The following HIP1R variants were observed in gnomAD, a reference collection of about 807,000 sequenced individuals.
HIP1R encodes the protein huntingtin-interacting protein 1-related protein.
Under a neutral mutation model 144.2 loss-of-function variants are expected in HIP1R, and 135 were observed. The ratio of observed to expected loss-of-function variants is 0.94; its 90% confidence interval spans 0.81 to 1.08. HIP1R has a LOEUF of 1.08. HIP1R is among the 50% of genes least tolerant of loss of function. The probability of loss-of-function intolerance (pLI) is 0.00; values close to 1 mark genes in which losing one functional copy is unlikely to be tolerated. For missense variants in HIP1R, 1,462 were observed against 1,432.8 expected (o/e 1.02, Z -0.33); for synonymous variants, 698 against 612.8 (o/e 1.14, Z -2.05).
rs1391541980 is a variant in HIP1R at position 122,848,069 on chromosome 12, C to T, written c.132C>T (p.Ala44=). The T allele has an allele frequency of 1.2e-6, 2 of 1,613,512 alleles. No individual in the cohort carries two copies. Among genetic ancestry groups the T allele is most frequent in the Non-Finnish European group, 1.7e-6 (2 of 1,179,984 alleles). The change falls in exon 2 of 32, where the codon GCC becomes GCT. Residue 44 remains alanine, a synonymous_variant. Coordinates refer to ENST00000253083, the MANE Select transcript of HIP1R (RefSeq NM_003959.3). The part of the protein sequence containing the change: ...SISKAINTQE[A]PVKEKHARRI... ...GCAAAGCCATCAACACCCAGGAGGC[C>T]CCCGTGAAGGAGAAGCACGCCCGGC...
Position 122,860,496 on chromosome 12 carries a change from CTGTGGGCTGGGG to C in HIP1R, c.2634_2645del (p.Val879_Gly882del). ...GAAGGCCTCATCTCGGCCTCCAAGG[CTGTGGGCTGGGG>C]AGCCACACAGCTGGTGTAGGTTGCC... On this transcript the variant is annotated inframe_deletion, in exon 27 of 32. Transcript: ENST00000253083. 6.2e-7 allele frequency: 1 copy of C among 1,612,368 alleles called. No individual in the cohort carries two copies. The highest frequency in any genetic ancestry group is 8.5e-7 in the Non-Finnish European group (1 of 1,179,434).
intron 1 of HIP1R, among the ~76,000 whole-genome samples, chr12:122,839,602 A>T (rs2033000359): frequency 6.6e-6 from 1 of 152,240 alleles, no homozygotes; most frequent in South Asian, 2.1e-4. Context: ...CCCGGCACAC[A>T]GTAGAGCAGT....
At chr12:122,834,903 C>T, upstream of HIP1R, 1 of 1,255,266 alleles carries the variant, frequency 8.0e-7, no homozygotes, top group Non-Finnish European at 1.0e-6. Context: ...TACATTAAGA[C>T]CAAAAAGGAA....
At chr12:122,856,410 A>G in intron 15 of HIP1R, 22 bp from the exon 16 acceptor site, 2 of 1,603,600 alleles carry the variant, frequency 1.2e-6, no homozygotes, top group Non-Finnish European at 8.5e-7. Flanking sequence ...GCAGAGCATG[A>G]GCCCTTCCCC....
Position 122,847,895 on chromosome 12 carries a change from T to A in HIP1R, c.94-136T>A, listed in dbSNP as rs892896213. On this transcript the variant is annotated intron_variant, in intron 1 of 31. Coordinates refer to ENST00000253083, the MANE Select transcript of HIP1R (RefSeq NM_003959.3). ...CCTTCAGAAGCTTAGGTTGAGGGGATTCCTGTCTCCCCCATCGCTCCACTG... is the reference window on the plus strand; with the variant it reads ...CCTTCAGAAGCTTAGGTTGAGGGGAATCCTGTCTCCCCCATCGCTCCACTG... The A allele has an allele frequency of 1.5e-5, 10 of 687,904 alleles. No individual in the cohort carries two copies. The African/African-American group carries it at 1.6e-4, about 11-fold the overall frequency. 42.6% of individuals were successfully genotyped at this position (687,904 alleles called of 1,614,324 possible).
Position 122,859,129 on chromosome 12 carries a change from C to T in HIP1R, c.2227C>T (p.Gln743Ter), listed in dbSNP as rs1431402265. The change falls in exon 22 of 32, where the codon CAG (glutamine) becomes TAG (stop). Residue 743 changes from glutamine (Q) to a stop codon, truncating the protein, a stop_gained. Coordinates refer to ENST00000253083, the MANE Select transcript of HIP1R (RefSeq NM_003959.3). LOFTEE classifies it high-confidence loss of function. Reference protein sequence around the residue: ...LELMGQLQDQQALRHMQASLV... With the variant: ...LELMGQLQDQ ...GCTCATGGGGCAGCTGCAGGACCAG[C>T]AGGCTCTGCGGCACATGCAGGCCAG... 1.3e-6 allele frequency: 2 copies of T among 1,593,002 alleles called. No individual in the cohort carries two copies. Among genetic ancestry groups the T allele is most frequent in the South Asian group, 1.1e-5 (1 of 88,436 alleles).
intron 1 of HIP1R, among the ~76,000 whole-genome samples, chr12:122,846,743 G>C (rs1371549558): frequency 6.6e-6 from 1 of 152,196 alleles, no homozygotes; most frequent in African/African-American, 2.4e-5. Context: ...GGTCAGCATC[G>C]TGCTAGGGGC....
intron 31 of HIP1R, 24 bp from the exon 32 acceptor site, chr12:122,861,682 A>ACC (rs763946027): frequency 2.5e-6 from 4 of 1,613,384 alleles, no homozygotes; most frequent in Non-Finnish European, 3.4e-6. Flanking sequence ...GTGACCACTG[A>ACC]CCCCCCACCT....
At chr12:122,860,610 G>T in intron 27 of HIP1R, 69 bp from the exon 28 acceptor site, 2 of 1,556,284 alleles carry the variant, frequency 1.3e-6, no homozygotes, top group Non-Finnish European at 1.8e-6. Flanking sequence ...GGGAGTAGAG[G>T]GGGTGTGGAG....
chr12:122,840,948 A>G lies in HIP1R; in HGVS notation c.93+5305A>G, dbSNP rs566419461. Among the ~76,000 whole-genome samples, 5 of 152,300 alleles carry G rather than the reference A, an allele frequency of 3.3e-5. No individual in the cohort carries two copies. The East Asian group carries it at 7.7e-4, about 24-fold the overall frequency. ...CCTTCTCTGACCTGATCCAGAAGCC[A>G]GCCTCCCAGCCAGCGCTGCACCGGT... is the stretch of plus-strand genomic sequence containing the variant. On this transcript the variant is annotated intron_variant, in intron 1 of 31. Coordinates refer to ENST00000253083, the MANE Select transcript of HIP1R (RefSeq NM_003959.3). The surrounding 1 kb of genome is among the most constrained non-coding windows in gnomAD (Gnocchi z 4.2).
At chr12:122,850,811 G>A (rs377748434) in intron 5 of HIP1R, 24 bp from the exon 6 acceptor site, 292 of 1,595,162 alleles carry the variant, frequency 1.8e-4, no homozygotes, top group Admixed American at 7.4e-4. Context: ...TTCAGTGGCC[G>A]CTGGGTGGGG....
At chr12:122,859,883 C>T in intron 24 of HIP1R, 53 bp downstream of exon 24, 3 of 1,563,774 alleles carry the variant, frequency 1.9e-6, no homozygotes, top group Non-Finnish European at 8.8e-7. Context: ...TCCCCGTGGC[C>T]CCTAAGGTTC....
At chr12:122,856,870 T>C (rs2033599109) in intron 17 of HIP1R, 144 bp downstream of exon 17, 8 of 1,016,806 alleles carry the variant, frequency 7.9e-6, no homozygotes, top group Non-Finnish European at 1.2e-5. Flanking sequence ...AGGGGCTACA[T>C]GGGAGACAGG....
rs2033687529 is a variant in HIP1R at position 122,859,190 on chromosome 12, TG to T, written c.2291del (p.Gly764AlafsTer4). 6.4e-7 allele frequency: 1 copy of T among 1,571,488 alleles called. No individual in the cohort carries two copies. Among genetic ancestry groups the T allele is most frequent in the Non-Finnish European group, 8.6e-7 (1 of 1,159,098 alleles). On this transcript the variant is annotated frameshift_variant, in exon 22 of 32. Transcript: ENST00000253083. LOFTEE classifies it high-confidence loss of function. ...VRTPLQGILQ[L>X]GQELKPKSLD... ...ACACCCCTGCAGGGCATCCTTCAGCTGGGCCAGGTGAGGCACAGCTGAGTGT... is the reference window on the plus strand; with the variant it reads ...ACACCCCTGCAGGGCATCCTTCAGCTGGCCAGGTGAGGCACAGCTGAGTGT...
Position 122,857,209 on chromosome 12 carries a change from A to G in HIP1R, c.1809A>G (p.Ala603=). ...QEQGELQGRL[A]ERESQEQGLR... ...AGGGCGAGTTGCAGGGCCGGCTGGCAGAGAGGGTATGGCCTCCCCAGATGC... is the reference window on the plus strand; with the variant it reads ...AGGGCGAGTTGCAGGGCCGGCTGGCGGAGAGGGTATGGCCTCCCCAGATGC... The change falls in exon 18 of 32, where the codon GCA becomes GCG. Residue 603 remains alanine, a synonymous_variant. Transcript: ENST00000253083. The G allele has an allele frequency of 6.5e-7, 1 of 1,550,374 alleles. No individual in the cohort carries two copies. The highest frequency in any genetic ancestry group is 8.7e-7 in the Non-Finnish European group (1 of 1,146,804).
chr12:122,851,403 A>C (rs941921622), intron 7 of HIP1R, 106 bp downstream of exon 7: 2 of 933,086 alleles, frequency 2.1e-6, no homozygotes, highest in African/African-American at 3.5e-5. Flanking sequence ...ACTGATCACT[A>C]TGAAATGACC....
Position 122,859,538 on chromosome 12 carries a change from T to C in HIP1R, c.2406+2T>C. The C allele has an allele frequency of 6.2e-7, 1 of 1,607,966 alleles. No homozygotes were observed. Among genetic ancestry groups the C allele is most frequent in the Non-Finnish European group, 8.5e-7 (1 of 1,175,172 alleles). On this transcript the variant is annotated splice_donor_variant, in intron 23 of 31. Transcript: ENST00000253083. LOFTEE classifies it high-confidence loss of function. ...GAAGATGCTGTGCGGAGGATTGAGG[T>C]GAGCACGGGATCTGGGGACTCCCCT...
chr12:122,855,451 C>T (rs1477302375), intron 11 of HIP1R, 46 bp downstream of exon 11: 2 of 1,549,534 alleles, frequency 1.3e-6, no homozygotes, highest in East Asian at 4.9e-5. Flanking sequence ...CCAGCTGCAG[C>T]ATGAGGCCAA....
At chr12:122,834,858 AGAGGG>A, upstream of HIP1R, 1 of 851,516 alleles carries the variant, frequency 1.2e-6, no homozygotes, top group South Asian at 1.4e-5. Flanking sequence ...AATTGCACAA[AGAGGG>A]GAGAGTGTCA....
Sources: allele counts gnomAD v4.1 joint callset (sites outside exome capture counted in the v4.1 genomes callset), GRCh38; gene constraint gnomAD v4.1.1; non-coding constraint Gnocchi (gnomAD v3.1); transcripts MANE v1.5; gene names NCBI Gene and HGNC (gene_info 2026-07-23, HGNC 2026-07-21).